RYR3: variants seen among roughly 807,000 people sequenced by gnomAD.
RYR3 encodes brain ryanodine receptor-calcium release channel.
A neutral mutation model predicts 584.3 loss-of-function variants in RYR3; 207 were observed. The ratio of observed to expected loss-of-function variants is 0.35; its 90% CI spans 0.32 to 0.40. The LOEUF (loss-of-function observed/expected upper bound fraction) is 0.40. Among genes scored for constraint, RYR3 ranks in the 10% least tolerant of loss-of-function variants. The pLI is 1.00. For missense variants in RYR3, 5,616 were observed against 6,089.2 expected (o/e 0.92, Z 2.59); for synonymous variants, 2,416 against 2,248.5 (o/e 1.07, Z -2.11).
chr15:33,341,787 A>G (rs1381225567), intron 1 of RYR3, among the ~76,000 whole-genome samples: 2 of 152,172 alleles, frequency 1.3e-5, no homozygotes, highest in East Asian at 1.9e-4. Context: ...CACAGCTTGC[A>G]GGAGAGCAGA....
intron 102 of RYR3, among the ~76,000 whole-genome samples, chr15:33,863,647 TTATGATGAAAA>T (rs1187910319): frequency 6.6e-6 from 1 of 152,164 alleles, no homozygotes; most frequent in Non-Finnish European, 1.5e-5. Flanking sequence ...CCGCAGCTAT[TTATGATGAAAA>T]CAAAACTATA....
intron 62 of RYR3, among the ~76,000 whole-genome samples, chr15:33,771,278 G>C (rs1444547539): frequency 2.0e-5 from 3 of 152,222 alleles, no homozygotes; most frequent in African/African-American, 4.8e-5. Context: ...GCTCACGCCT[G>C]TAATCCCAGC....
chr15:33,551,747 A>G (rs954819119), intron 10 of RYR3, among the ~76,000 whole-genome samples: 10 of 142,644 alleles, frequency 7.0e-5, no homozygotes, highest in African/African-American at 2.8e-4. Flanking sequence ...TCACTTTGCT[A>G]TCATTTTTTT....
At position 33,728,193 on chromosome 15, in the gene RYR3, A is replaced by T. The variant is rs114685589; in HGVS notation, c.7034-664A>T. ...ATTCCTAGCATTTGCCCATTTCTGT[A>T]GTATAAACTTTCTCACCATGGCCAA... On this transcript the variant is annotated intron_variant, in intron 46 of 103. Transcript: ENST00000634891. 8.2e-3 allele frequency among the ~76,000 whole-genome samples: 1,249 copies of T among 152,320 alleles called. 4 individuals are homozygous for T. Among genetic ancestry groups the T allele is most frequent in the Middle Eastern group, 0.031 (9 of 294 alleles).
At chr15:33,416,991 G>A (rs1188614906) in intron 1 of RYR3, among the ~76,000 whole-genome samples, 1 of 152,100 alleles carries the variant, frequency 6.6e-6, no homozygotes, top group African/African-American at 2.4e-5. Flanking sequence ...TTGAAGATTG[G>A]TTGGTTTAAA....
intron 10 of RYR3, among the ~76,000 whole-genome samples, chr15:33,558,323 A>T (rs2057209646): frequency 7.1e-6 from 1 of 141,166 alleles, no homozygotes. Flanking sequence ...TTCAATTCCC[A>T]CCTATGAGTG....
chr15:33,468,435 T>G (rs1279058114), intron 1 of RYR3, among the ~76,000 whole-genome samples: 1 of 152,188 alleles, frequency 6.6e-6, no homozygotes, highest in Non-Finnish European at 1.5e-5. Context: ...ATAATAATAA[T>G]TAAGAAATAG....
At chr15:33,363,405 CA>C (rs2141024457) in intron 1 of RYR3, among the ~76,000 whole-genome samples, 1 of 152,284 alleles carries the variant, frequency 6.6e-6, no homozygotes, top group Admixed American at 6.5e-5. Context: ...CTGTTTTAAC[CA>C]GTACTGATTT....
intron 2 of RYR3, among the ~76,000 whole-genome samples, chr15:33,488,458 T>C (rs1224795712): frequency 6.6e-6 from 1 of 152,034 alleles, no homozygotes; most frequent in Non-Finnish European, 1.5e-5. Flanking sequence ...CCTTTTTTTT[T>C]TTTTTTTCTG....
At chr15:33,696,517 T>C in intron 39 of RYR3, 26 bp downstream of exon 39, 1 of 1,611,732 alleles carries the variant, frequency 6.2e-7, no homozygotes, top group Non-Finnish European at 8.5e-7. Context: ...TTACGTGCTG[T>C]TCTCTCTAGG....
At chr15:33,736,394 C>T (rs1036528762) in intron 49 of RYR3, 69 bp downstream of exon 49, 1 of 1,046,848 alleles carries the variant, frequency 9.6e-7, no homozygotes, top group Non-Finnish European at 1.4e-6. Flanking sequence ...TATGTGATGT[C>T]TTCACAATTT....
chr15:33,448,046 T>G (rs563360633), intron 1 of RYR3, among the ~76,000 whole-genome samples: 97 of 152,370 alleles, frequency 6.4e-4, no homozygotes, highest in African/African-American at 2.2e-3. Context: ...TAATTTCAAC[T>G]TACATGCCTT....
chr15:33,587,158 T>G (rs1407792182), intron 16 of RYR3, among the ~76,000 whole-genome samples: 2 of 152,146 alleles, frequency 1.3e-5, no homozygotes, highest in African/African-American at 4.8e-5. Flanking sequence ...TGACAAATAA[T>G]AAAAAGAAAT....
Position 33,660,391 on chromosome 15 carries a change from G to C in RYR3, c.4590G>C (p.Gln1530His). Residue 1530 changes from glutamine (Q) to histidine (H), a missense_variant, in exon 34 of 104, where the codon CAG (glutamine) becomes CAC (histidine). Physicochemically the swap from Gln to His is conservative, Grantham distance 24. Transcript: ENST00000634891. ...GWVVQCLEPL[Q>H]MMALHIPEEN... ...TGGTGCAGTGCCTGGAGCCCCTGCA[G>C]ATGATGGCGCTCCACATCCCCGAGG... 1 of 1,577,330 alleles carries C rather than the reference G, an allele frequency of 6.3e-7. No homozygotes were observed. Among genetic ancestry groups the C allele is most frequent in the Non-Finnish European group, 8.6e-7 (1 of 1,161,586 alleles).
At position 33,436,424 on chromosome 15, in the gene RYR3, T is replaced by C. The variant is rs1368618290; in HGVS notation, c.52-36995T>C. ...TCTTTGGACATTACAACTGTCAACC[T>C]GTTGGTTATGTTTTACGAAGATCTT... On this transcript the variant is annotated intron_variant, in intron 1 of 103. Transcript: ENST00000634891. Among the ~76,000 whole-genome samples, 3 of 152,302 alleles carry C rather than the reference T, an allele frequency of 2.0e-5. No homozygotes were observed. In the East Asian group the frequency reaches 5.8e-4, roughly 29 times the overall value.
chr15:33,330,695 A>G (rs1004168982), intron 1 of RYR3, among the ~76,000 whole-genome samples: 1 of 152,332 alleles, frequency 6.6e-6, no homozygotes, highest in South Asian at 2.1e-4. Context: ...ATGTAAGTGA[A>G]CAATAACTGG....
At chr15:33,480,260 G>A (rs1187235257) in intron 2 of RYR3, among the ~76,000 whole-genome samples, 1 of 152,186 alleles carries the variant, frequency 6.6e-6, no homozygotes, top group East Asian at 1.9e-4. Context: ...ACACTTAGCT[G>A]TGTGACTGTG....
chr15:33,725,823 A>G (rs2068360491), intron 45 of RYR3, among the ~76,000 whole-genome samples: 1 of 148,196 alleles, frequency 6.7e-6, no homozygotes, highest in African/African-American at 2.5e-5. Flanking sequence ...ACAAAAAATT[A>G]GCCAGGTGTG....
chr15:33,831,387 C>T (rs117330916), intron 86 of RYR3, among the ~76,000 whole-genome samples: 1 of 152,332 alleles, frequency 6.6e-6, no homozygotes, highest in Non-Finnish European at 1.5e-5. Flanking sequence ...AAATGTCTTA[C>T]TCAAAACTCT....
Sources: allele counts gnomAD v4.1 joint callset (sites outside exome capture counted in the v4.1 genomes callset), GRCh38; gene constraint gnomAD v4.1.1; transcripts MANE v1.5; gene names NCBI Gene and HGNC (gene_info 2026-07-23, HGNC 2026-07-21).